NOS1AP: variants seen among roughly 807,000 people sequenced by gnomAD.
NOS1AP encodes the protein carboxyl-terminal PDZ ligand of neuronal nitric oxide synthase protein.
A neutral mutation model predicts 56.2 loss-of-function variants in NOS1AP; 21 were observed. The ratio of observed to expected loss-of-function variants is 0.37; its 90% CI spans 0.26 to 0.54. NOS1AP has a LOEUF of 0.54. Ranked by LOEUF, NOS1AP falls within the 20% of genes least tolerant of loss-of-function variation. The pLI, the probability that NOS1AP is intolerant of heterozygous loss-of-function variation, is 0.84. For synonymous variants in NOS1AP, 270 were observed against 274.6 expected, an observed-to-expected ratio of 0.98 and a Z score of 0.17; for missense variants, 522 against 657.8, an observed-to-expected ratio of 0.79 and a Z score of 2.26.
At chr1:162,140,874 G>A (rs1021162411) in intron 1 of NOS1AP, among the ~76,000 whole-genome samples, 1 of 152,118 alleles carries the variant, frequency 6.6e-6, no homozygotes, top group African/African-American at 2.4e-5. Context: ...CTGTGGTTTC[G>A]ATTCGCATTT....
chr1:162,081,774 A>ATATATTTTTT, intron 1 of NOS1AP, among the ~76,000 whole-genome samples: 24 of 44,056 alleles, frequency 5.4e-4, no homozygotes, highest in African/African-American at 1.7e-3. Context: ...ATATATATAT[A>ATATATTTTTT]TTTTTTTTTT....
intron 4 of NOS1AP, among the ~76,000 whole-genome samples, chr1:162,301,067 A>G (rs991997675): frequency 7.9e-5 from 12 of 152,176 alleles, no homozygotes; most frequent in African/African-American, 2.9e-4. Context: ...TATGCTAACA[A>G]TTTCCCACAG....
At chr1:162,334,069 G>A (rs1242328664) in intron 5 of NOS1AP, among the ~76,000 whole-genome samples, 3 of 152,164 alleles carry the variant, frequency 2.0e-5, no homozygotes. Context: ...TGCATCTTTT[G>A]TCTTCAGGCC....
chr1:162,104,037 G>A (rs1333627458), intron 1 of NOS1AP, among the ~76,000 whole-genome samples: 2 of 152,194 alleles, frequency 1.3e-5, no homozygotes, highest in Non-Finnish European at 2.9e-5. Context: ...TTTTGTAGTG[G>A]CTAGTAATGA....
intron 2 of NOS1AP, among the ~76,000 whole-genome samples, chr1:162,176,505 C>CTTTTT (rs34280743): frequency 2.1e-4 from 18 of 87,498 alleles, no homozygotes; most frequent in South Asian, 5.1e-4. Flanking sequence ...CATAATAGCT[C>CTTTTT]TTTTTTTTTT....
intron 2 of NOS1AP, among the ~76,000 whole-genome samples, chr1:162,283,660 C>T (rs979868451): frequency 1.3e-5 from 2 of 152,190 alleles, no homozygotes; most frequent in Non-Finnish European, 2.9e-5. Flanking sequence ...CATTAAGTTC[C>T]AAGGCCACTA....
At chr1:162,325,276 A>T (rs1656548908) in intron 4 of NOS1AP, among the ~76,000 whole-genome samples, 2 of 152,240 alleles carry the variant, frequency 1.3e-5, no homozygotes. Context: ...TTATATAAAG[A>T]TTAAATTAAA....
intron 3 of NOS1AP, among the ~76,000 whole-genome samples, chr1:162,296,424 C>T (rs1197849324): frequency 1.3e-5 from 2 of 152,060 alleles, no homozygotes; most frequent in Admixed American, 1.3e-4. Context: ...AATTTTCATC[C>T]AAGGATGAAG....
At chr1:162,278,496 G>C (rs1162857886) in intron 2 of NOS1AP, among the ~76,000 whole-genome samples, 1 of 152,100 alleles carries the variant, frequency 6.6e-6, no homozygotes, top group Non-Finnish European at 1.5e-5. Flanking sequence ...GGTGCTGGGA[G>C]GTTTATTAAA....
At chr1:162,307,045 T>C (rs1328593961) in intron 4 of NOS1AP, among the ~76,000 whole-genome samples, 2 of 152,196 alleles carry the variant, frequency 1.3e-5, no homozygotes, top group African/African-American at 4.8e-5. Flanking sequence ...ATAGAGACTT[T>C]GTTTTTTTTC....
At chr1:162,221,017 C>T (rs1004326989) in intron 2 of NOS1AP, among the ~76,000 whole-genome samples, 1 of 152,212 alleles carries the variant, frequency 6.6e-6, no homozygotes, top group Non-Finnish European at 1.5e-5. Flanking sequence ...TCTTGGCTCA[C>T]TGCAACCTCC....
chr1:162,158,880 G>A (rs1328181317), intron 2 of NOS1AP, among the ~76,000 whole-genome samples: 1 of 152,232 alleles, frequency 6.6e-6, no homozygotes, highest in Non-Finnish European at 1.5e-5. Flanking sequence ...GGAAAAGGAA[G>A]GGGAAAGTGA....
intron 2 of NOS1AP, among the ~76,000 whole-genome samples, chr1:162,180,776 G>T (rs879524041): frequency 6.6e-6 from 1 of 152,154 alleles, no homozygotes; most frequent in African/African-American, 2.4e-5. Context: ...AACACAGCCT[G>T]GTTGACACCA....
chr1:162,181,544 C>T (rs1022627430), intron 2 of NOS1AP, among the ~76,000 whole-genome samples: 2 of 152,150 alleles, frequency 1.3e-5, no homozygotes, highest in African/African-American at 4.8e-5. Flanking sequence ...TCTGTCAGCT[C>T]TTATTTTTTC....
At chr1:162,093,997 A>G (rs1419363402) in intron 1 of NOS1AP, among the ~76,000 whole-genome samples, 1 of 152,232 alleles carries the variant, frequency 6.6e-6, no homozygotes, top group Non-Finnish European at 1.5e-5. Context: ...TCCTTCTGGC[A>G]GCCTAGTTGT....
chr1:162,256,826 T>A (rs1654044451), intron 2 of NOS1AP, among the ~76,000 whole-genome samples: 1 of 152,178 alleles, frequency 6.6e-6, no homozygotes, highest in Non-Finnish European at 1.5e-5. Context: ...TTTTTTTGTT[T>A]ATTTCTGGTC....
chr1:162,281,718 A>G lies in NOS1AP; in HGVS notation c.178-5626A>G, dbSNP rs976236211. 3.3e-5 allele frequency among the ~76,000 whole-genome samples: 5 copies of G among 152,358 alleles called. No individual in the cohort carries two copies. The East Asian group carries it at 9.6e-4, about 29-fold the overall frequency. Reference sequence around the variant, plus strand: ...CATGTGGGGGAGTTCCAGAAATATCATTTCGTGAGCAGAATTTAAGTGGAC... The same window carrying G: ...CATGTGGGGGAGTTCCAGAAATATCGTTTCGTGAGCAGAATTTAAGTGGAC... On this transcript the variant is annotated intron_variant, in intron 2 of 9. Transcript: ENST00000361897.
At chr1:162,323,288 G>A (rs906482409) in intron 4 of NOS1AP, among the ~76,000 whole-genome samples, 1 of 152,214 alleles carries the variant, frequency 6.6e-6, no homozygotes, top group Non-Finnish European at 1.5e-5. Flanking sequence ...AGCTAGGAGA[G>A]ATGTGGAATA....
chr1:162,325,908 C>T (rs538328269), intron 4 of NOS1AP, among the ~76,000 whole-genome samples: 1 of 152,036 alleles, frequency 6.6e-6, no homozygotes, highest in Non-Finnish European at 1.5e-5. Flanking sequence ...CCCCTAGCCC[C>T]ACCGAGAGAT....
Sources: allele counts gnomAD v4.1 joint callset (sites outside exome capture counted in the v4.1 genomes callset), GRCh38; gene constraint gnomAD v4.1.1; transcripts MANE v1.5; gene names NCBI Gene and HGNC (gene_info 2026-07-23, HGNC 2026-07-21).